Variants in ABTB3 observed in about 807,000 individuals in gnomAD.
The protein encoded by ABTB3 is ankyrin repeat- and BTB/POZ domain-containing protein 3.
the ABTB3 span, among the ~76,000 whole-genome samples, chr12:107,456,603 A>G: frequency 1.3e-5 from 2 of 152,116 alleles, no homozygotes; most frequent in Non-Finnish European, 2.9e-5. Context: ...TTCATTATAT[A>G]TTATAATGTA....
At chr12:107,390,378 C>A in the ABTB3 span, among the ~76,000 whole-genome samples, 1 of 152,220 alleles carries the variant, frequency 6.6e-6, no homozygotes, top group Non-Finnish European at 1.5e-5. Context: ...AGTGAGGGAG[C>A]CTGGATTCTA....
the ABTB3 span, among the ~76,000 whole-genome samples, chr12:107,331,938 C>T: frequency 1.3e-5 from 2 of 152,090 alleles, no homozygotes; most frequent in Non-Finnish European, 2.9e-5. Context: ...CTCGCTGATT[C>T]GGCTGCTGCT....
chr12:107,609,523 G>C, the ABTB3 span, among the ~76,000 whole-genome samples: 1 of 152,198 alleles, frequency 6.6e-6, no homozygotes. Context: ...GACTGCGACT[G>C]TTTCGAATGC....
At chr12:107,355,600 G>C in the ABTB3 span, among the ~76,000 whole-genome samples, 3 of 152,204 alleles carry the variant, frequency 2.0e-5, no homozygotes, top group African/African-American at 7.2e-5. Context: ...TTCTATTACA[G>C]GCTCAGGGAG....
At chr12:107,465,551 C>T in the ABTB3 span, among the ~76,000 whole-genome samples, 1 of 152,162 alleles carries the variant, frequency 6.6e-6, no homozygotes. Flanking sequence ...GATGCAGTCC[C>T]ATCATTCTGA....
At chr12:107,404,107 G>A in the ABTB3 span, among the ~76,000 whole-genome samples, 1 of 136,480 alleles carries the variant, frequency 7.3e-6, no homozygotes, top group East Asian at 2.3e-4. Context: ...AGGTTCTAGT[G>A]AGCTGAGATC....
the ABTB3 span, chr12:107,620,117 G>A: frequency 2.0e-5 from 32 of 1,614,064 alleles, no homozygotes; most frequent in Non-Finnish European, 2.3e-5. Context: ...GGAGGAGCTC[G>A]TTACCCAAGG....
At chr12:107,462,086 G>A in the ABTB3 span, among the ~76,000 whole-genome samples, 1 of 152,150 alleles carries the variant, frequency 6.6e-6, no homozygotes, top group African/African-American at 2.4e-5. Context: ...ACTTCAATCA[G>A]CCTCAGTTTA....
At chr12:107,590,373 G>GC in the ABTB3 span, among the ~76,000 whole-genome samples, 3 of 152,202 alleles carry the variant, frequency 2.0e-5, no homozygotes, top group African/African-American at 7.2e-5. Context: ...GCAGGATGTT[G>GC]CCCCTGGAAG....
At chr12:107,361,472 A>G in the ABTB3 span, among the ~76,000 whole-genome samples, 1 of 152,172 alleles carries the variant, frequency 6.6e-6, no homozygotes, top group South Asian at 2.1e-4. Flanking sequence ...TTTTCAGTTC[A>G]AATTACAGTC....
the ABTB3 span, among the ~76,000 whole-genome samples, chr12:107,539,510 C>A: frequency 6.6e-6 from 1 of 152,158 alleles, no homozygotes; most frequent in Non-Finnish European, 1.5e-5. Context: ...GATCTCAGTG[C>A]ACCCCAAAGG....
At chr12:107,537,075 C>T in the ABTB3 span, among the ~76,000 whole-genome samples, 6 of 151,768 alleles carry the variant, frequency 4.0e-5, no homozygotes, top group African/African-American at 9.7e-5. Flanking sequence ...TCATTTATGG[C>T]GACATGGATG....
chr12:107,363,573 T>A, the ABTB3 span, among the ~76,000 whole-genome samples: 1 of 151,698 alleles, frequency 6.6e-6, no homozygotes, highest in Non-Finnish European at 1.5e-5. Context: ...AGAAACAGAG[T>A]TTTTCTTTAA....
the ABTB3 span, among the ~76,000 whole-genome samples, chr12:107,382,154 G>A: frequency 2.0e-5 from 3 of 152,208 alleles, no homozygotes; most frequent in Non-Finnish European, 4.4e-5. Context: ...GTATAAAGGT[G>A]ATGGGACTCC....
the ABTB3 span, among the ~76,000 whole-genome samples, chr12:107,636,664 T>C: frequency 2.0e-5 from 3 of 152,220 alleles, no homozygotes; most frequent in Non-Finnish European, 4.4e-5. Context: ...TCTGACCATG[T>C]GTAGAGGAAA....
chr12:107,547,071 G>A, the ABTB3 span, among the ~76,000 whole-genome samples: 1 of 152,084 alleles, frequency 6.6e-6, no homozygotes, highest in South Asian at 2.1e-4. Context: ...GTGCTTGCCT[G>A]TAGTCCCAGC....
the ABTB3 span, among the ~76,000 whole-genome samples, chr12:107,351,047 C>A: frequency 1.3e-5 from 2 of 152,028 alleles, no homozygotes; most frequent in African/African-American, 2.4e-5. Context: ...GAAAAAAAAA[C>A]CAAGCCTGGG....
the ABTB3 span, among the ~76,000 whole-genome samples, chr12:107,389,347 T>C: frequency 1.3e-5 from 2 of 152,246 alleles, no homozygotes; most frequent in Admixed American, 1.3e-4. Flanking sequence ...CTTTATCTCA[T>C]TTAAGCTCAC....
the ABTB3 span, among the ~76,000 whole-genome samples, chr12:107,473,088 A>C: frequency 4.6e-5 from 7 of 152,196 alleles, no homozygotes; most frequent in Non-Finnish European, 4.4e-5. Flanking sequence ...CCTGTGTGGC[A>C]GCTTTGTGGA....
Sources: allele counts gnomAD v4.1 joint callset (sites outside exome capture counted in the v4.1 genomes callset), GRCh38; gene constraint gnomAD v4.1.1; transcripts MANE v1.5; gene names NCBI Gene and HGNC (gene_info 2026-07-23, HGNC 2026-07-21).